The following LHCGR variants were observed in gnomAD, a reference collection of about 807,000 sequenced individuals.
LHCGR encodes the protein luteinizing hormone/choriogonadotropin receptor.
Under a neutral mutation model 60.7 loss-of-function variants are expected in LHCGR, and 55 were observed. That is an observed-to-expected ratio of 0.91 (90% confidence interval 0.73 to 1.13). The LOEUF (loss-of-function observed/expected upper bound fraction) is 1.13, where lower values mean the gene tolerates loss of function less well. LHCGR is among the 50% of genes most tolerant of loss of function. The pLI, the probability that LHCGR is intolerant of heterozygous loss-of-function variation, is 0.00. For missense variants in LHCGR, 862 were observed against 836.0 expected (o/e 1.03, Z -0.38); for synonymous variants, 337 against 316.5 (o/e 1.06, Z -0.69).
At position 48,688,569 on chromosome 2, in the gene LHCGR, G is replaced by T; in HGVS notation, c.1228C>A (p.Leu410Ile). The change falls in exon 11 of 11, where the codon CTC becomes ATC. Residue 410 changes from leucine to isoleucine, a missense_variant. By Grantham distance (5) the Leu-to-Ile change is conservative. Coordinates refer to ENST00000294954, the MANE Select transcript of LHCGR (RefSeq NM_000233.4). The surrounding 1 kb of genome is among the most constrained non-coding windows in gnomAD (Gnocchi z 5.2). ...NLSFADFCMG[L>I]YLLLIASVDS... ...ACTGAGGCTATGAGCAGCAGATAGA[G>T]CCCCATGCAAAAGTCTGCAAAGGAG... The T allele has an allele frequency of 1.2e-6, 2 of 1,614,170 alleles. No homozygotes were observed. Among genetic ancestry groups the T allele is most frequent in the Non-Finnish European group, 1.7e-6 (2 of 1,180,042 alleles).
intron 8 of LHCGR, among the ~76,000 whole-genome samples, chr2:48,707,644 C>T (rs1416488746): frequency 6.6e-6 from 1 of 152,256 alleles, no homozygotes; most frequent in Non-Finnish European, 1.5e-5. Context: ...GTATTGGGCT[C>T]CGCCCAGTTC....
rs1486615027 is a variant in LHCGR at position 48,694,369 on chromosome 2, G to A, written c.867-65C>T. 31 of 930,574 alleles carry A rather than the reference G, an allele frequency of 3.3e-5. 1 individual carries two copies. The highest frequency in any genetic ancestry group is 9.7e-5 in the African/African-American group (6 of 61,652). The allele number at this position is 930,574 out of a possible 1,614,324, so 57.6% of individuals were successfully genotyped here. ...GACTTCAGGCTAAACCTGACTGTGC[G>A]TCTATTTATGCTTTGTTCATGCAAA... On this transcript the variant is annotated intron_variant, in intron 9 of 10. Transcript: ENST00000294954.
At chr2:48,692,081 G>T (rs887443027) in intron 10 of LHCGR, among the ~76,000 whole-genome samples, 1 of 152,010 alleles carries the variant, frequency 6.6e-6, no homozygotes, top group African/African-American at 2.4e-5. Flanking sequence ...AATCACCATG[G>T]TGTTTGTTAA....
intron 8 of LHCGR, among the ~76,000 whole-genome samples, chr2:48,705,766 T>G (rs914835605): frequency 1.3e-5 from 2 of 152,138 alleles, no homozygotes; most frequent in African/African-American, 4.8e-5. Context: ...CTCCAGCCCT[T>G]TAGTTTGAGC....
At chr2:48,729,066 T>C (rs1279513976) in intron 3 of LHCGR, 87 bp downstream of exon 3, 3 of 1,035,660 alleles carry the variant, frequency 2.9e-6, no homozygotes, top group East Asian at 2.4e-5. Flanking sequence ...TTCCTAGCAG[T>C]GGATGCTTGA....
rs558908964 is a variant in LHCGR, at chr2:48,725,557, A to G, written c.383+119T>C. 17 of 754,322 alleles carry G rather than the reference A, an allele frequency of 2.3e-5. No individual in the cohort carries two copies. In the South Asian group the frequency reaches 2.5e-4, roughly 11 times the overall value. The allele number at this position is 754,322 out of a possible 1,614,324, so 46.7% of individuals were successfully genotyped here. ...ATTTAAATCAGAAGGCTGAAGAGGA[A>G]CATGCAAATAGTGCCATGTATATGG... On this transcript the variant is annotated intron_variant, in intron 4 of 10. Transcript: ENST00000294954.
intron 9 of LHCGR, 72 bp downstream of exon 9, chr2:48,698,543 A>T: frequency 8.1e-7 from 1 of 1,231,274 alleles, no homozygotes; most frequent in Non-Finnish European, 1.2e-6. Context: ...GGAGCTGTCT[A>T]CTCATTGACT....
At chr2:48,742,395 T>C (rs1669498707) in intron 1 of LHCGR, among the ~76,000 whole-genome samples, 2 of 150,222 alleles carry the variant, frequency 1.3e-5, no homozygotes, top group Non-Finnish European at 1.5e-5. Context: ...ATACATTTTT[T>C]TCAGCACCAC....
intron 1 of LHCGR, among the ~76,000 whole-genome samples, chr2:48,748,292 C>A (rs1045578878): frequency 9.2e-5 from 14 of 152,228 alleles, no homozygotes; most frequent in African/African-American, 3.4e-4. Context: ...TCCTGAGTGG[C>A]CAACAAGTCT....
chr2:48,695,762 T>C (rs1003078132), intron 9 of LHCGR, among the ~76,000 whole-genome samples: 1 of 152,172 alleles, frequency 6.6e-6, no homozygotes, highest in Non-Finnish European at 1.5e-5. Flanking sequence ...GAAGCCATAA[T>C]CTTAAGTAAA....
intron 1 of LHCGR, among the ~76,000 whole-genome samples, chr2:48,743,777 C>G (rs1328715692): frequency 1.1e-4 from 17 of 152,094 alleles, no homozygotes; most frequent in African/African-American, 4.1e-4. Flanking sequence ...CCTTTGAATA[C>G]TGGCACAAGA....
rs1668973810 is a variant in LHCGR, at chr2:48,731,299, C to A, written c.162-1G>T. On this transcript the variant is annotated splice_acceptor_variant, in intron 1 of 10. Coordinates refer to ENST00000294954, the MANE Select transcript of LHCGR (RefSeq NM_000233.4). LOFTEE classifies it high-confidence loss of function. ...TTTGACAGGGAGGTAGGCAAGTGATCTAGAAAAGAAAAAAGGAAATCCAAG... is the reference window on the plus strand; with the variant it reads ...TTTGACAGGGAGGTAGGCAAGTGATATAGAAAAGAAAAAAGGAAATCCAAG... 6.2e-7 allele frequency: 1 copy of A among 1,608,696 alleles called. No individual in the cohort carries two copies. The highest frequency in any genetic ancestry group is 1.3e-5 in the African/African-American group (1 of 74,866).
chr2:48,743,816 T>G (rs961829725), intron 1 of LHCGR, among the ~76,000 whole-genome samples: 2 of 152,040 alleles, frequency 1.3e-5, no homozygotes, highest in African/African-American at 4.8e-5. Context: ...CCACTCCTAT[T>G]CAACATAGTG....
At chr2:48,696,312 A>T (rs912916238) in intron 9 of LHCGR, among the ~76,000 whole-genome samples, 3 of 152,230 alleles carry the variant, frequency 2.0e-5, no homozygotes, top group African/African-American at 7.2e-5. Flanking sequence ...TTTGGACATT[A>T]TGGAAAAGGA....
intron 1 of LHCGR, among the ~76,000 whole-genome samples, chr2:48,736,029 A>C (rs1404017802): frequency 1.3e-5 from 2 of 152,008 alleles, no homozygotes; most frequent in African/African-American, 4.8e-5. Flanking sequence ...GCTACATGAA[A>C]ATGTGCTTGC....
In LHCGR at chr2:48,743,761, G is replaced by A. The variant is rs1436393070; in HGVS notation, c.161+11750C>T. Among the ~76,000 whole-genome samples the A allele has an allele frequency of 2.0e-5, 3 of 152,034 alleles. No individual in the cohort carries two copies. The South Asian group carries it at 6.2e-4, about 32-fold the overall frequency. ...CATACTGAATGGGCAAAAACTGGAA[G>A]CATTCCCTTTGAATACTGGCACAAG... On this transcript the variant is annotated intron_variant, in intron 1 of 10. Transcript: ENST00000294954.
intron 1 of LHCGR, among the ~76,000 whole-genome samples, chr2:48,751,284 A>G (rs1394372782): frequency 6.6e-6 from 1 of 152,252 alleles, no homozygotes; most frequent in African/African-American, 2.4e-5. Flanking sequence ...ACGTCTGAGT[A>G]ATCAAAGCTC....
At chr2:48,699,215 C>T (rs1288046245) in intron 8 of LHCGR, among the ~76,000 whole-genome samples, 1 of 152,122 alleles carries the variant, frequency 6.6e-6, no homozygotes, top group Non-Finnish European at 1.5e-5. Flanking sequence ...TCTTGCTTTC[C>T]CCTTAATTCT....
chr2:48,704,366 C>T (rs1308551518), intron 8 of LHCGR, among the ~76,000 whole-genome samples: 1 of 152,090 alleles, frequency 6.6e-6, no homozygotes, highest in Non-Finnish European at 1.5e-5. Context: ...TTGTGGTGTA[C>T]TCTGCCAGGT....
Sources: gnomAD v4.1 joint callset for allele counts (sites outside exome capture counted in the v4.1 genomes callset) on GRCh38, gnomAD v4.1.1 for gene constraint, Gnocchi (gnomAD v3.1) non-coding constraint, MANE v1.5 for transcripts, NCBI Gene and HGNC (gene_info 2026-07-23, HGNC 2026-07-21) for gene names.